The following TRIQK variants were observed in gnomAD, a reference collection of about 807,000 sequenced individuals.
TRIQK encodes the protein triple QxxK/R motif-containing protein.
In TRIQK, 10 loss-of-function variants were observed where a neutral mutation model predicts 10.8. The observed-to-expected ratio is 0.92, with a 90% CI of 0.57 to 1.57. The LOEUF is 1.57. Ranked by LOEUF, TRIQK falls within the 40% of genes most tolerant of loss-of-function variation. TRIQK has a pLI of 0.00. For missense variants in TRIQK, 107 were observed against 97.7 expected, an observed-to-expected ratio of 1.09 and a Z score of -0.40; for synonymous variants, 33 against 33.7, an observed-to-expected ratio of 0.98 and a Z score of 0.07.
chr8:92,890,320 T>G (rs531820992), intron 4 of TRIQK, among the ~76,000 whole-genome samples: 10 of 151,934 alleles, frequency 6.6e-5, no homozygotes, highest in African/African-American at 2.4e-4. Context: ...AAGGTTAAAG[T>G]TTTTGTTTTC....
intron 2 of TRIQK, among the ~76,000 whole-genome samples, chr8:92,949,653 GGAAGGAAAGAAAGA>G (rs1718082170): frequency 1.1e-5 from 1 of 88,192 alleles, no homozygotes; most frequent in Admixed American, 1.4e-4. Context: ...GGAAGGAAAG[GGAAGGAAAGAAAGA>G]GAAGGAAAGA....
intron 1 of TRIQK, among the ~76,000 whole-genome samples, chr8:92,958,710 G>C (rs894259650): frequency 2.0e-5 from 3 of 151,926 alleles, no homozygotes; most frequent in African/African-American, 7.2e-5. Flanking sequence ...TGAGTCCCTT[G>C]AACTGAAAAG....
At chr8:92,913,208 C>T (rs1292437996) in intron 3 of TRIQK, among the ~76,000 whole-genome samples, 2 of 152,102 alleles carry the variant, frequency 1.3e-5, no homozygotes, top group Admixed American at 6.6e-5. Flanking sequence ...ATAAAAATCA[C>T]ATGATGATCT....
At chr8:93,007,629 T>C (rs897712078) in intron 1 of TRIQK, among the ~76,000 whole-genome samples, 1 of 152,160 alleles carries the variant, frequency 6.6e-6, no homozygotes, top group African/African-American at 2.4e-5. Flanking sequence ...CTAAGAACCA[T>C]GATAAAACTT....
At chr8:92,892,142 T>A in intron 3 of TRIQK, 68 bp from the exon 4 acceptor site, 1 of 1,097,198 alleles carries the variant, frequency 9.1e-7, no homozygotes, top group Non-Finnish European at 1.3e-6. Context: ...TCATTTGAAA[T>A]GTCAAAGAAT....
chr8:92,985,941 T>C (rs1010261149), intron 1 of TRIQK, among the ~76,000 whole-genome samples: 1 of 152,164 alleles, frequency 6.6e-6, no homozygotes, highest in Non-Finnish European at 1.5e-5. Context: ...ATGAACTTAA[T>C]AATTTACAAC....
chr8:92,962,084 C>T (rs752366918), intron 1 of TRIQK, among the ~76,000 whole-genome samples: 1 of 152,136 alleles, frequency 6.6e-6, no homozygotes, highest in African/African-American at 2.4e-5. Flanking sequence ...AGATGCTGAA[C>T]ATTTCTACCA....
At chr8:92,919,568 T>G (rs1810062449) in intron 2 of TRIQK, among the ~76,000 whole-genome samples, 1 of 151,906 alleles carries the variant, frequency 6.6e-6, no homozygotes, top group Non-Finnish European at 1.5e-5. Flanking sequence ...TTTACATCTA[T>G]GTTCATCAGC....
At chr8:92,897,945 C>T (rs934269283) in intron 3 of TRIQK, among the ~76,000 whole-genome samples, 2 of 152,002 alleles carry the variant, frequency 1.3e-5, no homozygotes, top group Non-Finnish European at 2.9e-5. Context: ...AGGTTCCTCA[C>T]ATCTTTAATG....
At chr8:92,998,563 G>GCAAA (rs1813176313) in intron 1 of TRIQK, among the ~76,000 whole-genome samples, 2 of 151,984 alleles carry the variant, frequency 1.3e-5, no homozygotes, top group African/African-American at 4.8e-5. Flanking sequence ...TCCCCCATTT[G>GCAAA]GTGAAAAGGA....
At chr8:92,998,372 C>T (rs530277856) in intron 1 of TRIQK, among the ~76,000 whole-genome samples, 22 of 151,890 alleles carry the variant, frequency 1.4e-4, no homozygotes, top group Non-Finnish European at 3.2e-4. Flanking sequence ...ATTTATATTT[C>T]GTTTAAGAAA....
intron 3 of TRIQK, among the ~76,000 whole-genome samples, chr8:92,909,125 C>T (rs889382673): frequency 6.6e-6 from 1 of 151,820 alleles, no homozygotes; most frequent in Non-Finnish European, 1.5e-5. Flanking sequence ...AATAGTCTTT[C>T]GTATGGAATC....
chr8:93,002,137 A>G (rs912573282), intron 1 of TRIQK, among the ~76,000 whole-genome samples: 1 of 152,212 alleles, frequency 6.6e-6, no homozygotes. Context: ...TTATATGAAG[A>G]AAGTTTCCAG....
intron 1 of TRIQK, among the ~76,000 whole-genome samples, chr8:93,015,428 T>G (rs1448842667): frequency 6.6e-6 from 1 of 151,542 alleles, no homozygotes; most frequent in Non-Finnish European, 1.5e-5. Context: ...TTTTGCTAAC[T>G]TCTCACTCAG....
At chr8:92,948,980 G>A (rs1474463986) in intron 2 of TRIQK, among the ~76,000 whole-genome samples, 1 of 152,164 alleles carries the variant, frequency 6.6e-6, no homozygotes, top group Non-Finnish European at 1.5e-5. Context: ...TTGGCCAAAG[G>A]TGGCCAACTG....
At chr8:92,913,436 T>G (rs936324594) in intron 3 of TRIQK, among the ~76,000 whole-genome samples, 1 of 152,088 alleles carries the variant, frequency 6.6e-6, no homozygotes, top group African/African-American at 2.4e-5. Flanking sequence ...CTCATGACAG[T>G]CAGAATGGCA....
intron 1 of TRIQK, among the ~76,000 whole-genome samples, chr8:93,011,272 A>G (rs1813331985): frequency 6.6e-6 from 1 of 151,910 alleles, no homozygotes; most frequent in South Asian, 2.1e-4. Context: ...ACTGTACTAA[A>G]ATAGCTAAAA....
At chr8:92,929,021 G>A (rs1810580339) in intron 2 of TRIQK, among the ~76,000 whole-genome samples, 1 of 152,166 alleles carries the variant, frequency 6.6e-6, no homozygotes, top group Admixed American at 6.6e-5. Flanking sequence ...TTACTTTTTA[G>A]AATATAGGAA....
intron 1 of TRIQK, among the ~76,000 whole-genome samples, chr8:92,980,396 C>T (rs370027296): frequency 1.6e-4 from 24 of 151,636 alleles, no homozygotes; most frequent in Admixed American, 5.3e-4. Flanking sequence ...TGCACTCACG[C>T]GCGTGTGTGT....
Sources: allele counts gnomAD v4.1 joint callset (sites outside exome capture counted in the v4.1 genomes callset), GRCh38; gene constraint gnomAD v4.1.1; transcripts MANE v1.5; gene names NCBI Gene and HGNC (gene_info 2026-07-23, HGNC 2026-07-21).